The following RNF24 variants were observed in gnomAD, a reference collection of about 807,000 sequenced individuals.
The protein encoded by RNF24 is ring finger protein 24.
RNF24 carries 14 observed loss-of-function variants against 20.0 expected under a neutral mutation model. The observed-to-expected ratio is 0.70, with a 90% CI of 0.46 to 1.10. The LOEUF (loss-of-function observed/expected upper bound fraction) is 1.10, where lower values mean the gene tolerates loss of function less well. RNF24 is among the 50% of genes least tolerant of loss of function. The probability of loss-of-function intolerance (pLI) is 0.00; values close to 1 mark genes in which losing one functional copy is unlikely to be tolerated. For synonymous variants in RNF24, 45 were observed against 61.1 expected (o/e 0.74, Z 1.23); for missense variants, 124 against 177.6 (o/e 0.70, Z 1.71).
At chr20:3,970,280 A>C (rs985630856) in intron 1 of RNF24, among the ~76,000 whole-genome samples, 27 of 152,128 alleles carry the variant, frequency 1.8e-4, no homozygotes, top group Admixed American at 1.4e-3. Context: ...TAAATAGGGA[A>C]CCTGGACTTC....
intron 1 of RNF24, among the ~76,000 whole-genome samples, chr20:4,014,219 G>A (rs1427656130): frequency 6.6e-6 from 1 of 152,228 alleles, no homozygotes; most frequent in Non-Finnish European, 1.5e-5. Context: ...AAGGGCGCAT[G>A]CCAGGGTAAT....
chr20:4,014,117 AG>A (rs1241449457), intron 1 of RNF24, among the ~76,000 whole-genome samples: 3 of 152,240 alleles, frequency 2.0e-5, no homozygotes, highest in Admixed American at 1.3e-4. Context: ...CAATGAAAAA[AG>A]GTGTTCTGTT....
At chr20:4,011,978 G>A (rs1339556748) in intron 1 of RNF24, among the ~76,000 whole-genome samples, 2 of 152,202 alleles carry the variant, frequency 1.3e-5, no homozygotes, top group Non-Finnish European at 2.9e-5. Context: ...AGTAAGAGTT[G>A]AGAGTGGTTT....
intron 1 of RNF24, among the ~76,000 whole-genome samples, chr20:3,994,419 T>C (rs1980701200): frequency 6.6e-6 from 1 of 152,202 alleles, no homozygotes; most frequent in Non-Finnish European, 1.5e-5. Flanking sequence ...TAGAAATCAA[T>C]ACAACTCTGT....
chr20:4,010,177 A>G (rs1982339215), intron 1 of RNF24, among the ~76,000 whole-genome samples: 2 of 152,232 alleles, frequency 1.3e-5, no homozygotes, highest in South Asian at 4.1e-4. Flanking sequence ...TTTCGAGACC[A>G]GCCTGACCAA....
Position 3,927,411 on chromosome 20 carries a change from A to G in RNF24, c.*6652T>C, listed in dbSNP as rs561425892. The G allele has an allele frequency of 5.3e-5, 8 of 152,052 alleles. No individual in the cohort carries two copies. In the East Asian group the frequency reaches 1.5e-3, roughly 29 times the overall value. 9.4% of individuals were successfully genotyped at this position (152,052 alleles called of 1,614,324 possible). On this transcript the variant is annotated 3_prime_UTR_variant, in exon 6 of 6. Transcript: ENST00000358395. The stretch of plus-strand genomic sequence containing the variant: ...AATGCATTAAAATTTTAAAATAGCA[A>G]TTAAATATACAAAAATATAGCTTAC...
Position 3,985,371 on chromosome 20 carries a change from G to T in RNF24, c.-7-21347C>A, listed in dbSNP as rs937854959. ...CCAGAGTAGCTGGGCTTATAGATGTGTGGCACCATGCCTCACATTTAATCT... is the reference window on the plus strand; with the variant it reads ...CCAGAGTAGCTGGGCTTATAGATGTTTGGCACCATGCCTCACATTTAATCT... On this transcript the variant is annotated intron_variant, in intron 1 of 5. Coordinates refer to ENST00000358395, the MANE Select transcript of RNF24 (RefSeq NM_001134337.3). 1.1e-4 allele frequency among the ~76,000 whole-genome samples: 16 copies of T among 152,230 alleles called. No homozygotes were observed. The South Asian group carries it at 1.2e-3, about 12-fold the overall frequency.
At chr20:3,937,097 A>G (rs372850714) in intron 4 of RNF24, among the ~76,000 whole-genome samples, 5 of 152,308 alleles carry the variant, frequency 3.3e-5, no homozygotes, top group South Asian at 2.1e-4. Flanking sequence ...TCAGCCTCCC[A>G]AAGTGTTGGG....
intron 1 of RNF24, among the ~76,000 whole-genome samples, chr20:4,006,368 C>CAA (rs11475896): frequency 7.8e-6 from 1 of 128,104 alleles, no homozygotes; most frequent in Non-Finnish European, 1.6e-5. Flanking sequence ...GTCTCTGTCT[C>CAA]AAAAAAAAAA....
rs567454347 is a variant in RNF24, at chr20:3,942,725, G to C, written c.228+2452C>G. Among the ~76,000 whole-genome samples the C allele has an allele frequency of 1.4e-4, 22 of 151,902 alleles. 1 individual carries two copies. The highest frequency in any genetic ancestry group is 5.3e-4 in the African/African-American group (22 of 41,402). ...CCTGACCCTGTGATCCGCCTGCCTC[G>C]GCCTCCCAAAGTGCTGGGATTACAG... On this transcript the variant is annotated intron_variant, in intron 4 of 5. Transcript: ENST00000358395.
intron 1 of RNF24, among the ~76,000 whole-genome samples, chr20:4,001,448 C>T (rs1398914801): frequency 6.6e-6 from 1 of 152,086 alleles, no homozygotes; most frequent in Admixed American, 6.5e-5. Flanking sequence ...GTGCTTCTTA[C>T]CACAAATGTA....
chr20:3,963,689 A>G (rs1244064550), intron 2 of RNF24, among the ~76,000 whole-genome samples, 186 bp downstream of exon 2: 3 of 152,232 alleles, frequency 2.0e-5, no homozygotes, highest in Admixed American at 6.5e-5. Flanking sequence ...TCATCAGTAG[A>G]TAAGATTGAA....
intron 1 of RNF24, among the ~76,000 whole-genome samples, chr20:3,981,512 C>CTT (rs1420728505): frequency 3.5e-5 from 5 of 143,676 alleles, no homozygotes; most frequent in Non-Finnish European, 7.7e-5. Flanking sequence ...CACTTTTTTT[C>CTT]TTTTTTTTTT....
chr20:3,941,009 G>T (rs2090948413), intron 4 of RNF24, among the ~76,000 whole-genome samples: 1 of 152,108 alleles, frequency 6.6e-6, no homozygotes. Context: ...TTAATATAAG[G>T]CTGTTCCTCC....
chr20:4,010,810 G>A (rs529050872), intron 1 of RNF24, among the ~76,000 whole-genome samples: 115 of 152,312 alleles, frequency 7.6e-4, no homozygotes, highest in Admixed American at 4.3e-3. Flanking sequence ...GCCTGATGGC[G>A]CTGGGCACCT....
chr20:3,954,293 A>G (rs574233941), intron 2 of RNF24, among the ~76,000 whole-genome samples: 20 of 151,988 alleles, frequency 1.3e-4, no homozygotes, highest in Non-Finnish European at 2.6e-4. Context: ...TTTTGTCTCT[A>G]TAGATTTGCC....
At chr20:3,997,830 G>C (rs565122804) in intron 1 of RNF24, among the ~76,000 whole-genome samples, 3 of 152,302 alleles carry the variant, frequency 2.0e-5, no homozygotes, top group African/African-American at 7.2e-5. Context: ...TTTTTGATAT[G>C]ATGTAAGAAA....
intron 3 of RNF24, among the ~76,000 whole-genome samples, chr20:3,947,920 C>A (rs1247434014): frequency 2.0e-5 from 3 of 151,982 alleles, no homozygotes. Context: ...GTGGCGCATG[C>A]CTGTAATCCC....
At chr20:3,941,880 C>G (rs1268319198) in intron 4 of RNF24, among the ~76,000 whole-genome samples, 2 of 152,048 alleles carry the variant, frequency 1.3e-5, no homozygotes, top group Non-Finnish European at 2.9e-5. Flanking sequence ...TCAAGACCAG[C>G]CTGGCTAACA....
Sources: allele counts gnomAD v4.1 joint callset (sites outside exome capture counted in the v4.1 genomes callset), GRCh38; gene constraint gnomAD v4.1.1; transcripts MANE v1.5; gene names NCBI Gene and HGNC (gene_info 2026-07-23, HGNC 2026-07-21).